Variants in WNK3 observed in about 807,000 individuals in gnomAD.
WNK3 encodes serine/threonine-protein kinase WNK3.
WNK3 carries 18 observed loss-of-function variants against 116.7 expected under a neutral mutation model. The ratio of observed to expected loss-of-function variants is 0.15; its 90% confidence interval spans 0.11 to 0.23. WNK3 has a LOEUF of 0.23. Among genes scored for constraint, WNK3 ranks in the 10% least tolerant of loss-of-function variants. The pLI is 1.00. For missense variants in WNK3, 993 were observed against 1,323.8 expected, an observed-to-expected ratio of 0.75 and a Z score of 3.88; for synonymous variants, 404 against 469.4, an observed-to-expected ratio of 0.86 and a Z score of 1.80.
chrX:54,273,221 A>G (rs781850983), intron 10 of WNK3, among the ~76,000 whole-genome samples: 2 of 112,605 alleles, frequency 1.8e-5, no homozygotes, highest in Non-Finnish European at 3.7e-5. Context: ...GACTGAATCA[A>G]TATGGTAACA....
chrX:54,211,392 A>C (rs2067610869), intron 22 of WNK3, among the ~76,000 whole-genome samples: 1 of 107,011 alleles, frequency 9.3e-6, no homozygotes, highest in East Asian at 3.0e-4. Flanking sequence ...CAGTGAGTCA[A>C]GATCATGCCA....
At chrX:54,207,509 C>CTTTTTTTT (rs782017192) in intron 22 of WNK3, among the ~76,000 whole-genome samples, 8 of 84,273 alleles carry the variant, frequency 9.5e-5, no homozygotes, top group Non-Finnish European at 9.4e-5. Flanking sequence ...GCCCATTTAT[C>CTTTTTTTT]TTTTTTTTTT....
At chrX:54,240,641 A>G (rs1406752471) in intron 17 of WNK3, among the ~76,000 whole-genome samples, 1 of 112,007 alleles carries the variant, frequency 8.9e-6, no homozygotes, top group Non-Finnish European at 1.9e-5. Context: ...GTAGACCATG[A>G]CATATGTAGG....
intron 1 of WNK3, among the ~76,000 whole-genome samples, chrX:54,347,346 C>A (rs1050059552): frequency 9.0e-6 from 1 of 111,223 alleles, no homozygotes; most frequent in African/African-American, 3.3e-5. Context: ...ATTAGCTGGG[C>A]GTGGTGGCAT....
At chrX:54,217,554 G>A (rs1557145671) in intron 22 of WNK3, among the ~76,000 whole-genome samples, 1 of 108,722 alleles carries the variant, frequency 9.2e-6, no homozygotes, top group Non-Finnish European at 1.9e-5. Context: ...CCCAGGAGGC[G>A]GAGGTTGCAG....
At chrX:54,201,196 C>T (rs2067497797) in intron 23 of WNK3, among the ~76,000 whole-genome samples, 1 of 111,456 alleles carries the variant, frequency 9.0e-6, no homozygotes, top group Non-Finnish European at 1.9e-5. Context: ...GGCCCAAATT[C>T]CACCATCCAG....
At chrX:54,326,073 A>G (rs782813971) in intron 2 of WNK3, among the ~76,000 whole-genome samples, 4 of 110,192 alleles carry the variant, frequency 3.6e-5, no homozygotes, top group African/African-American at 1.3e-4. Context: ...TCTTTCCATT[A>G]ATTTTTGTTT....
At chrX:54,235,771 T>C (rs1483813562) in intron 20 of WNK3, among the ~76,000 whole-genome samples, 1 of 111,957 alleles carries the variant, frequency 8.9e-6, no homozygotes, top group Non-Finnish European at 1.9e-5. Flanking sequence ...AATTAACTTA[T>C]GAGTATATAC....
At chrX:54,345,719 G>A (rs1434149123) in intron 1 of WNK3, among the ~76,000 whole-genome samples, 1 of 107,263 alleles carries the variant, frequency 9.3e-6, no homozygotes, top group Non-Finnish European at 1.9e-5. Flanking sequence ...CCAGGAGGCA[G>A]AGGTTGCAAT....
intron 10 of WNK3, among the ~76,000 whole-genome samples, chrX:54,273,553 A>C (rs782192302): frequency 8.9e-6 from 1 of 112,351 alleles, no homozygotes; most frequent in South Asian, 3.6e-4. Context: ...AAAGCAAAAA[A>C]CAAAAACTAG....
chrX:54,272,467 G>T (rs892100741), intron 10 of WNK3, among the ~76,000 whole-genome samples: 3 of 110,881 alleles, frequency 2.7e-5, no homozygotes, highest in Admixed American at 1.9e-4. Flanking sequence ...GATGAAAAAA[G>T]AGGGTGGGAA....
chrX:54,281,165 C>T (rs537834034), intron 10 of WNK3, among the ~76,000 whole-genome samples: 2 of 111,228 alleles, frequency 1.8e-5, no homozygotes, highest in African/African-American at 3.3e-5. Context: ...TCCCTTTGTA[C>T]GTGTATGTGT....
At position 54,216,923 on chromosome X, in the gene WNK3, C is replaced by T. The variant is rs181778097; in HGVS notation, c.4870+11791G>A. On this transcript the variant is annotated intron_variant, in intron 22 of 23. Transcript: ENST00000354646. ...AGGTGTATTGGCTCATGCCTGTAAT[C>T]CCAGAACTTTGGGAGGCTGAGGCAA... Among the ~76,000 whole-genome samples, 71 of 112,338 alleles carry T rather than the reference C, an allele frequency of 6.3e-4. No individual in the cohort carries two copies. The South Asian group carries it at 0.022, about 35-fold the overall frequency.
intron 21 of WNK3, 109 bp from the exon 22 acceptor site, chrX:54,228,852 T>C: frequency 5.2e-6 from 2 of 385,426 alleles, no homozygotes; most frequent in Non-Finnish European, 9.4e-6. Context: ...AAAGGGCATA[T>C]ACGAAAACTT....
At chrX:54,328,514 G>A (rs1040327285) in intron 2 of WNK3, among the ~76,000 whole-genome samples, 1 of 109,795 alleles carries the variant, frequency 9.1e-6, no homozygotes, top group African/African-American at 3.3e-5. Flanking sequence ...CTGGCTATTC[G>A]GGAGGATCCT....
chrX:54,226,983 TATGACAGTAA>T (rs1348306181), intron 22 of WNK3, among the ~76,000 whole-genome samples: 1 of 112,002 alleles, frequency 8.9e-6, no homozygotes, highest in Non-Finnish European at 1.9e-5. Flanking sequence ...GAATTTTAGA[TATGACAGTAA>T]AAGCACAAGT....
At chrX:54,282,967 T>A (rs781874312) in intron 10 of WNK3, among the ~76,000 whole-genome samples, 1 of 111,693 alleles carries the variant, frequency 9.0e-6, no homozygotes, top group African/African-American at 3.3e-5. Context: ...CATTGAGAAA[T>A]TGGACTTTAT....
At chrX:54,235,744 G>A (rs1024392995) in intron 20 of WNK3, among the ~76,000 whole-genome samples, 3 of 111,723 alleles carry the variant, frequency 2.7e-5, no homozygotes, top group Non-Finnish European at 5.6e-5. Flanking sequence ...GCATGGGGTC[G>A]TCAATAGGAG....
chrX:54,237,124 C>A, exon 20 of WNK3: 1 of 1,211,837 alleles, frequency 8.3e-7, no homozygotes, highest in Non-Finnish European at 1.1e-6. Flanking sequence ...CTTTCCACTG[C>A]CAGCAAGACT....
Sources: gnomAD v4.1 joint callset for allele counts (sites outside exome capture counted in the v4.1 genomes callset) on GRCh38, gnomAD v4.1.1 for gene constraint, MANE v1.5 for transcripts, NCBI Gene and HGNC (gene_info 2026-07-23, HGNC 2026-07-21) for gene names.